Variants in KIAA0319L observed in about 807,000 individuals in gnomAD.
KIAA0319L encodes KIAA0319 like.
KIAA0319L carries 55 observed loss-of-function variants against 120.1 expected under a neutral mutation model. The ratio of observed to expected loss-of-function variants is 0.46; its 90% CI spans 0.37 to 0.57. The LOEUF is 0.57. Ranked by LOEUF, KIAA0319L falls within the 20% of genes least tolerant of loss-of-function variation. KIAA0319L has a pLI of 0.00. For missense variants in KIAA0319L, 1,049 were observed against 1,255.3 expected, an observed-to-expected ratio of 0.84 and a Z score of 2.48; for synonymous variants, 398 against 471.9, an observed-to-expected ratio of 0.84 and a Z score of 2.03.
intron 17 of KIAA0319L, 51 bp from the exon 18 acceptor site, chr1:35,443,079 A>T: frequency 1.2e-6 from 2 of 1,612,138 alleles, no homozygotes; most frequent in Non-Finnish European, 1.7e-6. Flanking sequence ...GCCAGGGGTG[A>T]CAAGCAGCAC....
At chr1:35,541,861 A>C (rs962571393) in intron 2 of KIAA0319L, among the ~76,000 whole-genome samples, 10 of 152,210 alleles carry the variant, frequency 6.6e-5, no homozygotes, top group African/African-American at 2.4e-4. Flanking sequence ...ATGTTTCCTT[A>C]GCTGGGGGAA....
Position 35,442,316 on chromosome 1 carries a change from TA to T in KIAA0319L, c.2799del (p.Ile934SerfsTer18). 1 of 1,613,614 alleles carries T rather than the reference TA, an allele frequency of 6.2e-7. No individual in the cohort carries two copies. Among genetic ancestry groups the T allele is most frequent in the Non-Finnish European group, 8.5e-7 (1 of 1,179,568 alleles). On this transcript the variant is annotated frameshift_variant, in exon 19 of 21. Coordinates refer to ENST00000325722, the MANE Select transcript of KIAA0319L (RefSeq NM_024874.5). LOFTEE classifies it high-confidence loss of function. ...ACAACAATGACAAAGGTAGCAATGA[TA>T]ACATATAACACGCTCCACTCTGCCA... ...DSNCEWSVLY[V>X]IIATFVIVVA...
Position 35,454,502 on chromosome 1 carries a change from A to C in KIAA0319L, c.1657-17T>G. 1 of 1,610,694 alleles carries C rather than the reference A, an allele frequency of 6.2e-7. No homozygotes were observed. Among genetic ancestry groups the C allele is most frequent in the Middle Eastern group, 1.7e-4 (1 of 6,050 alleles). On this transcript the variant is annotated splice_polypyrimidine_tract_variant and intron_variant, in intron 10 of 20. Transcript: ENST00000325722. Reference sequence around the variant, plus strand: ...TCTAACACCCTACAAATACAAATACAGAAGTGGAAAAGTGGACTCCAGGAA... The same window carrying C: ...TCTAACACCCTACAAATACAAATACCGAAGTGGAAAAGTGGACTCCAGGAA...
intron 2 of KIAA0319L, among the ~76,000 whole-genome samples, chr1:35,521,964 C>T (rs1645938641): frequency 6.6e-6 from 1 of 151,846 alleles, no homozygotes; most frequent in Non-Finnish European, 1.5e-5. Context: ...CAGAGCGAGA[C>T]TCTGTCTTAA....
chr1:35,552,042 TAA>T (rs766788729), intron 2 of KIAA0319L, among the ~76,000 whole-genome samples: 16 of 135,312 alleles, frequency 1.2e-4, no homozygotes, highest in African/African-American at 1.6e-4. Context: ...TGGTACTGGG[TAA>T]AAAAAAAAAA....
intron 2 of KIAA0319L, among the ~76,000 whole-genome samples, chr1:35,507,828 T>C (rs940539037): frequency 6.6e-6 from 1 of 152,154 alleles, no homozygotes; most frequent in African/African-American, 2.4e-5. Flanking sequence ...AGTCATGTCA[T>C]GATAAGAAAT....
Position 35,453,780 on chromosome 1 carries a change from C to G in KIAA0319L, c.1781-91G>C. The G allele has an allele frequency of 7.6e-7, 1 of 1,317,624 alleles. No homozygotes were observed. Among genetic ancestry groups the G allele is most frequent in the East Asian group, 2.5e-5 (1 of 39,766 alleles). 81.6% of individuals were successfully genotyped at this position (1,317,624 alleles called of 1,614,324 possible). On this transcript the variant is annotated intron_variant, in intron 11 of 20. Transcript: ENST00000325722. The surrounding 1 kb of genome is among the most constrained non-coding windows in gnomAD (Gnocchi z 4.1). Reference sequence around the variant, plus strand: ...GGACACATGTTCTGGAAGCCATGGACTCTGCCTCTCAGGCCACAGAACTGT... The same window carrying G: ...GGACACATGTTCTGGAAGCCATGGAGTCTGCCTCTCAGGCCACAGAACTGT...
chr1:35,464,013 G>GTGCTACTCTAAGTCCATTAAAACTCA (rs1558355062), intron 7 of KIAA0319L, among the ~76,000 whole-genome samples: 5 of 152,122 alleles, frequency 3.3e-5, no homozygotes, highest in Admixed American at 1.3e-4. Context: ...CCCCAGCCAC[G>GTGCTACTCTAAGTCCATTAAAACTCA]TGCTACTCTA....
At chr1:35,463,878 G>A (rs188474443) in intron 7 of KIAA0319L, among the ~76,000 whole-genome samples, 1 of 152,246 alleles carries the variant, frequency 6.6e-6, no homozygotes, top group African/African-American at 2.4e-5. Context: ...GATAGTGAAT[G>A]AGTCTCACAA....
At position 35,444,164 on chromosome 1, in the gene KIAA0319L, C is replaced by A; in HGVS notation, c.2653G>T (p.Val885Phe). 6.3e-7 allele frequency: 1 copy of A among 1,594,222 alleles called. No homozygotes were observed. The highest frequency in any genetic ancestry group is 8.5e-7 in the Non-Finnish European group (1 of 1,170,946). Residue 885 changes from valine (V) to phenylalanine (F), a missense_variant, in exon 17 of 21, where the codon GTC becomes TTC. Val to Phe is a conservative substitution (Grantham distance 50). Transcript: ENST00000325722. ...LIFRALEVNTVTCQLNCSDHG... is the reference protein window; with the variant it reads ...LIFRALEVNTFTCQLNCSDHG... ...CCAAATTCCCAGAATTACTCACTGA[C>A]AGTGTTGACTTCCAAGGCTCTGAAT... is the stretch of plus-strand genomic sequence containing the variant.
intron 17 of KIAA0319L, chr1:35,443,402 T>C (rs749555033): frequency 4.4e-5 from 8 of 183,256 alleles, no homozygotes; most frequent in Non-Finnish European, 8.1e-5. Context: ...CTGGGCATGG[T>C]AGCTCACACC....
intron 3 of KIAA0319L, among the ~76,000 whole-genome samples, chr1:35,501,433 T>C (rs551692984): frequency 6.6e-6 from 1 of 152,314 alleles, no homozygotes; most frequent in African/African-American, 2.4e-5. Flanking sequence ...CTCTTCTCCT[T>C]TGCCATCTTG....
At chr1:35,466,463 G>GT (rs1643270499) in intron 7 of KIAA0319L, 145 bp downstream of exon 7, 11 of 618,202 alleles carry the variant, frequency 1.8e-5, no homozygotes, top group Non-Finnish European at 3.2e-5. Flanking sequence ...TTTTGCTATT[G>GT]TAACTATTCA....
At position 35,441,148 on chromosome 1, in the gene KIAA0319L, A is replaced by G; in HGVS notation, c.2871-10T>C. 6.2e-7 allele frequency: 1 copy of G among 1,611,356 alleles called. No homozygotes were observed. The highest frequency in any genetic ancestry group is 8.5e-7 in the Non-Finnish European group (1 of 1,177,496). ...GGGTTTTCCTTTTTGCCTAAAAAAC[A>G]CAACCCCCACCCCTGCTCAGGAAAG... On this transcript the variant is annotated splice_polypyrimidine_tract_variant and intron_variant, in intron 19 of 20. Transcript: ENST00000325722.
intron 20 of KIAA0319L, among the ~76,000 whole-genome samples, chr1:35,436,963 C>A (rs889223917): frequency 9.2e-5 from 14 of 152,144 alleles, no homozygotes; most frequent in Admixed American, 7.2e-4. Context: ...CTCCTAGTGA[C>A]TCTACTCTAG....
intron 3 of KIAA0319L, among the ~76,000 whole-genome samples, chr1:35,485,288 C>G (rs1481902418): frequency 6.6e-6 from 1 of 152,082 alleles, no homozygotes; most frequent in African/African-American, 2.4e-5. Flanking sequence ...GACTGATGCT[C>G]TGCTCGGTTT....
At chr1:35,557,601 G>C (rs1429057926), upstream of KIAA0319L, 2 of 447,446 alleles carry the variant, frequency 4.5e-6, no homozygotes, top group Non-Finnish European at 9.0e-6. Flanking sequence ...TCCAGAGGCA[G>C]TCTGCACCTT....
rs189701050 is a variant in KIAA0319L, at chr1:35,505,288, C to T, written c.666+1324G>A. 5.0e-3 allele frequency among the ~76,000 whole-genome samples: 756 copies of T among 152,248 alleles called. 8 individuals are homozygous for T. Among genetic ancestry groups the T allele is most frequent in the Middle Eastern group, 0.01 (3 of 294 alleles). ...TAGTATAGTACCTCGCAAGTAAATA[C>T]ACAATGACTATGACCGAGCCTTTAC... is the stretch of plus-strand genomic sequence containing the variant. On this transcript the variant is annotated intron_variant, in intron 3 of 20. Coordinates refer to ENST00000325722, the MANE Select transcript of KIAA0319L (RefSeq NM_024874.5).
chr1:35,504,341 C>T (rs768823830), intron 3 of KIAA0319L, among the ~76,000 whole-genome samples: 8 of 151,978 alleles, frequency 5.3e-5, no homozygotes, highest in East Asian at 3.9e-4. Flanking sequence ...GGACTACAGG[C>T]GCCTGCCACC....
Sources: allele counts gnomAD v4.1 joint callset (sites outside exome capture counted in the v4.1 genomes callset), GRCh38; gene constraint gnomAD v4.1.1; non-coding constraint Gnocchi (gnomAD v3.1); transcripts MANE v1.5; gene names NCBI Gene and HGNC (gene_info 2026-07-23, HGNC 2026-07-21).